The following PACSIN2 variants were observed in gnomAD, a reference collection of about 807,000 sequenced individuals.
The protein encoded by PACSIN2 is protein kinase C and casein kinase substrate in neurons protein 2.
PACSIN2 carries 25 observed loss-of-function variants against 63.8 expected under a neutral mutation model. The observed-to-expected ratio is 0.39, with a 90% CI of 0.29 to 0.55. PACSIN2 has a LOEUF of 0.55. Among genes scored for constraint, PACSIN2 ranks in the 20% least tolerant of loss-of-function variants. The pLI, the probability that PACSIN2 is intolerant of heterozygous loss-of-function variation, is 0.62. For missense variants in PACSIN2, 518 were observed against 646.9 expected, an observed-to-expected ratio of 0.80 and a Z score of 2.16; for synonymous variants, 255 against 256.2, an observed-to-expected ratio of 1.00 and a Z score of 0.05.
intron 1 of PACSIN2, among the ~76,000 whole-genome samples, chr22:42,952,670 T>A (rs1243711598): frequency 3.3e-5 from 5 of 150,638 alleles, no homozygotes; most frequent in Admixed American, 2.6e-4. Flanking sequence ...TTTATTTATT[T>A]TTTTTTTTTT....
chr22:42,984,697 C>A (rs1321193086), intron 1 of PACSIN2, among the ~76,000 whole-genome samples: 1 of 152,194 alleles, frequency 6.6e-6, no homozygotes, highest in East Asian at 1.9e-4. Context: ...TGAAATTTCT[C>A]TTACCTCACC....
chr22:43,011,529 A>C (rs990459313), intron 1 of PACSIN2, among the ~76,000 whole-genome samples: 2 of 152,196 alleles, frequency 1.3e-5, no homozygotes, highest in Non-Finnish European at 2.9e-5. Context: ...CAACATCCGG[A>C]ATCATCCACT....
intron 5 of PACSIN2, among the ~76,000 whole-genome samples, chr22:42,887,585 C>A (rs893572591): frequency 6.6e-6 from 1 of 152,118 alleles, no homozygotes; most frequent in African/African-American, 2.4e-5. Context: ...CTCCAAACAC[C>A]GAGGCAGGGC....
At chr22:42,934,888 CTCTTTCTTTTCT>C in intron 1 of PACSIN2, among the ~76,000 whole-genome samples, 1 of 102,794 alleles carries the variant, frequency 9.7e-6, no homozygotes, top group Middle Eastern at 4.7e-3. Context: ...TCTTTCTTTT[CTCTTTCTTTTCT>C]TTTCTTTCTT....
intron 1 of PACSIN2, among the ~76,000 whole-genome samples, chr22:42,986,172 T>C (rs1056567482): frequency 5.9e-5 from 9 of 152,200 alleles, no homozygotes; most frequent in African/African-American, 2.2e-4. Flanking sequence ...GACCAGGAAC[T>C]ATGCTAGGAG....
At chr22:43,011,866 G>A (rs1049797747) in intron 1 of PACSIN2, among the ~76,000 whole-genome samples, 3 of 151,620 alleles carry the variant, frequency 2.0e-5, no homozygotes, top group Admixed American at 2.0e-4. Flanking sequence ...ACAAAAACTA[G>A]CCAGGCAAGG....
chr22:42,897,025 C>G (rs1456504849), intron 2 of PACSIN2, among the ~76,000 whole-genome samples: 1 of 152,142 alleles, frequency 6.6e-6, no homozygotes, highest in East Asian at 1.9e-4. Context: ...TGGCCTTAAC[C>G]TCCCAGGCTC....
At chr22:42,954,209 G>A (rs1309161058) in intron 1 of PACSIN2, among the ~76,000 whole-genome samples, 1 of 152,212 alleles carries the variant, frequency 6.6e-6, no homozygotes. Context: ...GTTGCAGTGA[G>A]CCGAGATCAT....
At chr22:43,007,378 G>C (rs1924162202) in intron 1 of PACSIN2, among the ~76,000 whole-genome samples, 1 of 152,102 alleles carries the variant, frequency 6.6e-6, no homozygotes, top group African/African-American at 2.4e-5. Context: ...ACCACGCCCA[G>C]CTAATTTTTG....
intron 1 of PACSIN2, among the ~76,000 whole-genome samples, chr22:42,971,789 C>G (rs1921305198): frequency 6.6e-6 from 1 of 150,894 alleles, no homozygotes; most frequent in African/African-American, 2.4e-5. Context: ...GCCGCCCCAT[C>G]CGGGAGGGAG....
At position 42,879,972 on chromosome 22, in the gene PACSIN2, C is replaced by T. The variant is rs531226536; in HGVS notation, c.907-803G>A. Among the ~76,000 whole-genome samples the T allele has an allele frequency of 9.8e-5, 15 of 152,314 alleles. No individual in the cohort carries two copies. In the South Asian group the frequency reaches 1.5e-3, roughly 15 times the overall value. On this transcript the variant is annotated intron_variant, in intron 7 of 10. Coordinates refer to ENST00000263246, the MANE Select transcript of PACSIN2 (RefSeq NM_001184970.3). ...GCCTCACGAGTTCTCGGGTGGCGAA[C>T]TGGCTTCACCAACCGCACTGAAAAT... is the stretch of plus-strand genomic sequence containing the variant.
chr22:42,955,069 T>C (rs1933856720), intron 1 of PACSIN2, among the ~76,000 whole-genome samples: 1 of 152,060 alleles, frequency 6.6e-6, no homozygotes, highest in Non-Finnish European at 1.5e-5. Context: ...AAACTGGAGT[T>C]TCCCCCCAAT....
chr22:42,875,456 A>G (rs558007878), intron 10 of PACSIN2, among the ~76,000 whole-genome samples: 1 of 151,890 alleles, frequency 6.6e-6, no homozygotes, highest in South Asian at 2.1e-4. Context: ...TGCAACCTCA[A>G]TCTACTGGGC....
rs539953277 is a variant in PACSIN2 at position 42,988,292 on chromosome 22, C to T, written c.-78+26729G>A. 4.6e-5 allele frequency among the ~76,000 whole-genome samples: 7 copies of T among 152,286 alleles called. No homozygotes were observed. The South Asian group carries it at 1.0e-3, about 23-fold the overall frequency. On this transcript the variant is annotated intron_variant, in intron 1 of 10. Coordinates refer to ENST00000263246, the MANE Select transcript of PACSIN2 (RefSeq NM_001184970.3). ...TTCACTGCTAGGACCCTCACAGTTA[C>T]AAAGCCCACGAGGACACAGACAGCT...
intron 1 of PACSIN2, among the ~76,000 whole-genome samples, chr22:42,931,336 C>G (rs1932773591): frequency 6.6e-6 from 1 of 152,270 alleles, no homozygotes. Flanking sequence ...CACTGCCTAC[C>G]ACTCCTTGGG....
intron 1 of PACSIN2, among the ~76,000 whole-genome samples, chr22:42,962,789 G>T: frequency 7.1e-6 from 1 of 141,370 alleles, no homozygotes; most frequent in South Asian, 2.3e-4. Context: ...GGGGGGGGGC[G>T]GCGCAGAAAA....
intron 1 of PACSIN2, among the ~76,000 whole-genome samples, chr22:42,974,753 A>G (rs1921567858): frequency 2.0e-5 from 3 of 151,248 alleles, no homozygotes; most frequent in South Asian, 4.2e-4. Flanking sequence ...TGTCTCAAAA[A>G]AAAAAAAAAA....
intron 5 of PACSIN2, 132 bp downstream of exon 5, chr22:42,888,511 A>G: frequency 1.2e-6 from 1 of 838,568 alleles, no homozygotes; most frequent in Non-Finnish European, 1.9e-6. Context: ...TCTTGAGGAC[A>G]GGGGTGTGTT....
At chr22:42,901,448 A>G (rs188940657) in intron 2 of PACSIN2, among the ~76,000 whole-genome samples, 5 of 152,196 alleles carry the variant, frequency 3.3e-5, no homozygotes, top group African/African-American at 1.2e-4. Context: ...CCCAGCCCTA[A>G]CAAGACCTCC....
Sources: allele counts gnomAD v4.1 joint callset (sites outside exome capture counted in the v4.1 genomes callset), GRCh38; gene constraint gnomAD v4.1.1; transcripts MANE v1.5; gene names NCBI Gene and HGNC (gene_info 2026-07-23, HGNC 2026-07-21).